The following PTPRM variants were observed in gnomAD, a reference collection of about 807,000 sequenced individuals.
PTPRM encodes the protein receptor-type tyrosine-protein phosphatase mu.
A neutral mutation model predicts 186.7 loss-of-function variants in PTPRM; 47 were observed. The ratio of observed to expected loss-of-function variants is 0.25; its 90% confidence interval spans 0.20 to 0.32. The LOEUF (loss-of-function observed/expected upper bound fraction) is 0.32, where lower values mean the gene tolerates loss of function less well. Among genes scored for constraint, PTPRM ranks in the 10% least tolerant of loss-of-function variants. PTPRM has a pLI of 1.00. For synonymous variants in PTPRM, 668 were observed against 674.9 expected (o/e 0.99, Z 0.16); for missense variants, 1,494 against 1,865.0 (o/e 0.80, Z 3.66).
chr18:7,828,996 C>CA (rs1283217842), intron 2 of PTPRM, among the ~76,000 whole-genome samples: 1 of 152,140 alleles, frequency 6.6e-6, no homozygotes, highest in Non-Finnish European at 1.5e-5. Context: ...CAATAGTTTA[C>CA]ATTCAGTGCT....
At chr18:8,273,536 A>G (rs2094797452) in intron 19 of PTPRM, among the ~76,000 whole-genome samples, 1 of 152,158 alleles carries the variant, frequency 6.6e-6, no homozygotes, top group South Asian at 2.1e-4. Flanking sequence ...GACTTCAGCC[A>G]GGTCCATGCA....
intron 11 of PTPRM, 62 bp downstream of exon 11, chr18:8,088,913 C>T (rs1468588359): frequency 1.6e-6 from 2 of 1,262,498 alleles, no homozygotes; most frequent in African/African-American, 3.0e-5. Context: ...TTGATTAATT[C>T]CTCCAATGTG....
At position 7,669,398 on chromosome 18, in the gene PTPRM, GT is replaced by G. The variant is rs544597932; in HGVS notation, c.73+101511del. 4.6e-5 allele frequency among the ~76,000 whole-genome samples: 7 copies of G among 152,266 alleles called. No individual in the cohort carries two copies. The East Asian group carries it at 1.4e-3, about 29-fold the overall frequency. ...GCCCTGCTTGTGTTTAACTGAGAGGGTTTTGTGAACTCCTACAGGTGTCTGT... is the reference window on the plus strand; with the variant it reads ...GCCCTGCTTGTGTTTAACTGAGAGGGTTTGTGAACTCCTACAGGTGTCTGT... On this transcript the variant is annotated intron_variant, in intron 1 of 32. Transcript: ENST00000580170.
At chr18:7,983,554 C>G (rs1387944688) in intron 7 of PTPRM, among the ~76,000 whole-genome samples, 1 of 152,130 alleles carries the variant, frequency 6.6e-6, no homozygotes, top group Non-Finnish European at 1.5e-5. Context: ...CTGGCTTTCT[C>G]ATCATTCTGT....
intron 13 of PTPRM, among the ~76,000 whole-genome samples, chr18:8,129,845 A>T (rs2092459515): frequency 6.6e-6 from 1 of 152,080 alleles, no homozygotes; most frequent in African/African-American, 2.4e-5. Flanking sequence ...TGAAGAAAGG[A>T]TTCTTGTTTT....
intron 14 of PTPRM, among the ~76,000 whole-genome samples, chr18:8,227,847 G>A (rs2094233458): frequency 1.3e-5 from 2 of 152,272 alleles, no homozygotes; most frequent in South Asian, 4.1e-4. Flanking sequence ...AGCTGTGAGT[G>A]GGGACCCACT....
At chr18:8,313,176 TTG>T (rs1206529468) in intron 20 of PTPRM, among the ~76,000 whole-genome samples, 2 of 152,066 alleles carry the variant, frequency 1.3e-5, no homozygotes, top group Non-Finnish European at 2.9e-5. Context: ...AAAAGAAATG[TTG>T]AGTAAAGTTA....
chr18:8,006,773 G>C (rs944278290), intron 7 of PTPRM, among the ~76,000 whole-genome samples: 1 of 152,174 alleles, frequency 6.6e-6, no homozygotes, highest in Non-Finnish European at 1.5e-5. Flanking sequence ...CAGAACACTC[G>C]TGTGGGTTTG....
chr18:7,888,762 A>T (rs2048912529), intron 3 of PTPRM, among the ~76,000 whole-genome samples: 1 of 152,228 alleles, frequency 6.6e-6, no homozygotes, highest in African/African-American at 2.4e-5. Flanking sequence ...ATTAAAAAAA[A>T]CATGGTACAT....
chr18:7,626,723 C>T (rs1019467810), intron 1 of PTPRM, among the ~76,000 whole-genome samples: 5 of 152,246 alleles, frequency 3.3e-5, no homozygotes, highest in African/African-American at 1.2e-4. Flanking sequence ...GACAGGATCT[C>T]ACTCTGTCAT....
At chr18:7,836,820 T>G (rs761981310) in intron 2 of PTPRM, among the ~76,000 whole-genome samples, 6 of 152,232 alleles carry the variant, frequency 3.9e-5, no homozygotes, top group African/African-American at 7.2e-5. Context: ...TGCTACTTGC[T>G]GCTGGCCTGT....
chr18:7,836,858 A>T (rs897107501), intron 2 of PTPRM, among the ~76,000 whole-genome samples: 4 of 152,274 alleles, frequency 2.6e-5, no homozygotes, highest in African/African-American at 9.6e-5. Flanking sequence ...GTTTGCTGCC[A>T]GATGTATTGG....
intron 7 of PTPRM, among the ~76,000 whole-genome samples, chr18:8,007,417 T>C (rs1012314777): frequency 6.6e-6 from 1 of 152,192 alleles, no homozygotes; most frequent in African/African-American, 2.4e-5. Flanking sequence ...CTCACTTACT[T>C]GCTAAAGCCC....
intron 2 of PTPRM, among the ~76,000 whole-genome samples, chr18:7,866,763 A>G (rs902505391): frequency 6.6e-6 from 1 of 152,144 alleles, no homozygotes. Flanking sequence ...TTTCTAGTTG[A>G]TCTGTCTAAT....
At chr18:8,004,219 T>TA (rs2084037786) in intron 7 of PTPRM, among the ~76,000 whole-genome samples, 1 of 152,110 alleles carries the variant, frequency 6.6e-6, no homozygotes, top group African/African-American at 2.4e-5. Context: ...ACCACTTACT[T>TA]ACAGTAAGGG....
chr18:7,946,023 G>A (rs2052499483), intron 5 of PTPRM, among the ~76,000 whole-genome samples: 2 of 152,130 alleles, frequency 1.3e-5, no homozygotes, highest in African/African-American at 4.8e-5. Flanking sequence ...TTTATTAAAG[G>A]CTCATTCCTG....
At chr18:8,374,381 T>G (rs2095682621) in intron 24 of PTPRM, among the ~76,000 whole-genome samples, 2 of 152,124 alleles carry the variant, frequency 1.3e-5, no homozygotes, top group Admixed American at 6.5e-5. Context: ...TTTTCCCCTT[T>G]GGAATAAAGT....
At chr18:7,823,906 G>T (rs1022811630) in intron 2 of PTPRM, among the ~76,000 whole-genome samples, 1 of 152,074 alleles carries the variant, frequency 6.6e-6, no homozygotes. Context: ...TATCCTACTA[G>T]TTCTGTCCCT....
chr18:8,400,673 T>C (rs1052539357), intron 32 of PTPRM, among the ~76,000 whole-genome samples: 1 of 151,956 alleles, frequency 6.6e-6, no homozygotes. Flanking sequence ...GCCGCACAGG[T>C]TCAGGTTGCC....
Sources: gnomAD v4.1 joint callset for allele counts (sites outside exome capture counted in the v4.1 genomes callset) on GRCh38, gnomAD v4.1.1 for gene constraint, MANE v1.5 for transcripts, NCBI Gene and HGNC (gene_info 2026-07-23, HGNC 2026-07-21) for gene names.